The following ARRDC4 variants were observed in gnomAD, a reference collection of about 807,000 sequenced individuals.
ARRDC4 encodes arrestin domain-containing protein 4.
Under a neutral mutation model 44.6 loss-of-function variants are expected in ARRDC4, and 40 were observed. The ratio of observed to expected loss-of-function variants is 0.90; its 90% CI spans 0.70 to 1.17. The LOEUF (loss-of-function observed/expected upper bound fraction) is 1.17. ARRDC4 is among the 50% of genes most tolerant of loss of function. The pLI, the probability that ARRDC4 is intolerant of heterozygous loss-of-function variation, is 0.00. For synonymous variants in ARRDC4, 211 were observed against 221.2 expected (o/e 0.95, Z 0.41); for missense variants, 550 against 559.1 (o/e 0.98, Z 0.16).
At position 97,967,730 on chromosome 15, in the gene ARRDC4, T is replaced by A. The variant is rs1278526930; in HGVS notation, c.523-284T>A. ...AGCTTTTGATTTTTTTTTAAAAAAATGGTATATTATTTCCTGGAAACATAA... is the reference window on the plus strand; with the variant it reads ...AGCTTTTGATTTTTTTTTAAAAAAAAGGTATATTATTTCCTGGAAACATAA... On this transcript the variant is annotated intron_variant, in intron 3 of 7. Coordinates refer to ENST00000268042, the MANE Select transcript of ARRDC4 (RefSeq NM_183376.3). This position sits in a 1 kb window ranked among gnomAD's most constrained non-coding sequence, Gnocchi z 5.0. Among the ~76,000 whole-genome samples, 1 of 152,012 alleles carries A rather than the reference T, an allele frequency of 6.6e-6. No homozygotes were observed. The highest frequency in any genetic ancestry group is 1.5e-5 in the Non-Finnish European group (1 of 67,978).
At chr15:97,961,241 C>T in intron 1 of ARRDC4, 73 bp downstream of exon 1, 2 of 1,270,394 alleles carry the variant, frequency 1.6e-6, no homozygotes, top group Non-Finnish European at 2.0e-6. Flanking sequence ...GGCCGCGCAC[C>T]CTCGGGATGC....
Position 97,965,713 on chromosome 15 carries a change from T to G in ARRDC4, c.374+47T>G. On this transcript the variant is annotated intron_variant, in intron 2 of 7. Coordinates refer to ENST00000268042, the MANE Select transcript of ARRDC4 (RefSeq NM_183376.3). The surrounding 1 kb of genome is among the most constrained non-coding windows in gnomAD (Gnocchi z 5.1). ...TGTGGTTATCCTTCTCTGCAGTATGTCCATTCAAGTTTATCACTGCTAGGT... is the reference window on the plus strand; with the variant it reads ...TGTGGTTATCCTTCTCTGCAGTATGGCCATTCAAGTTTATCACTGCTAGGT... 6.4e-7 allele frequency: 1 copy of G among 1,557,932 alleles called. No individual in the cohort carries two copies. The highest frequency in any genetic ancestry group is 8.9e-7 in the Non-Finnish European group (1 of 1,129,042).
At position 97,969,377 on chromosome 15, in the gene ARRDC4, G is replaced by A; in HGVS notation, c.880G>A (p.Ala294Thr). The change falls in exon 5 of 8, where the codon GCT (alanine) becomes ACT (threonine). Residue 294 changes from alanine (A) to threonine (T), a missense_variant and splice_region_variant. Transcript: ENST00000268042. Reference protein sequence around the residue: ...CCIIRVDYSLAVYIHIPGAKK... With the variant: ...CCIIRVDYSLTVYIHIPGAKK... ...CATTATCAGAGTGGACTATTCCTTA[G>A]CTGTAAGCAAAGCTCTTTTTTAAAA... 6.3e-7 allele frequency: 1 copy of A among 1,597,246 alleles called. No individual in the cohort carries two copies. The highest frequency in any genetic ancestry group is 1.1e-5 in the South Asian group (1 of 90,012).
rs1414120669 is a variant in ARRDC4 at position 97,960,924 on chromosome 15, T to C, written c.63T>C (p.Gly21=). 7 of 1,461,942 alleles carry C rather than the reference T, an allele frequency of 4.8e-6. No homozygotes were observed. The highest frequency in any genetic ancestry group is 6.3e-6 in the Non-Finnish European group (7 of 1,103,292). 90.6% of individuals were successfully genotyped at this position (1,461,942 alleles called of 1,614,324 possible). A position where few individuals can be genotyped will look rare whatever the true frequency, so the allele number is the denominator to read the frequency against. The change falls in exon 1 of 8, where the codon GGT becomes GGC. Residue 21 remains glycine, a synonymous_variant. Coordinates refer to ENST00000268042, the MANE Select transcript of ARRDC4 (RefSeq NM_183376.3). The part of the protein sequence containing the change: ...VGAEGRVKSL[G]LVFEDERKGC... ...CCGAGGGCCGCGTGAAGAGCCTGGG[T>C]CTGGTGTTCGAGGACGAGCGCAAGG... is the stretch of plus-strand genomic sequence containing the variant.
At chr15:97,963,626 C>T (rs1266312216) in intron 1 of ARRDC4, among the ~76,000 whole-genome samples, 1 of 152,160 alleles carries the variant, frequency 6.6e-6, no homozygotes, top group African/African-American at 2.4e-5. Context: ...CTGAAGATGT[C>T]GGGCCCACCC....
chr15:97,962,758 T>TG (rs1349879100), intron 1 of ARRDC4, among the ~76,000 whole-genome samples: 1 of 152,112 alleles, frequency 6.6e-6, no homozygotes, highest in African/African-American at 2.4e-5. Context: ...CTCTTTTAGT[T>TG]GGGGAAAAAA....
Position 97,965,968 on chromosome 15 carries a change from A to G in ARRDC4, c.448A>G (p.Lys150Glu). 1.2e-6 allele frequency: 2 copies of G among 1,614,170 alleles called. No homozygotes were observed. Among genetic ancestry groups the G allele is most frequent in the Non-Finnish European group, 1.7e-6 (2 of 1,180,020 alleles). Residue 150 changes from lysine (K) to glutamate (E), a missense_variant, in exon 3 of 8, where the codon AAG becomes GAG. Lys to Glu is a moderately conservative substitution (Grantham distance 56). Transcript: ENST00000268042. This position sits in a 1 kb window ranked among gnomAD's most constrained non-coding sequence, Gnocchi z 5.1. ...TGTGCGGGCAGTGTTGGAACGACCC[A>G]AGGTACCTGATCAGAGTGTAAAGCG... ...YCVRAVLERP[K>E]VPDQSVKREL...
At chr15:97,963,810 C>A (rs549279310) in intron 1 of ARRDC4, among the ~76,000 whole-genome samples, 26 of 152,324 alleles carry the variant, frequency 1.7e-4, no homozygotes, top group African/African-American at 6.3e-4. Flanking sequence ...TTTGTAAATA[C>A]TTCGTCATGT....
chr15:97,962,236 A>AAGTGATC, intron 1 of ARRDC4, among the ~76,000 whole-genome samples: 1 of 152,332 alleles, frequency 6.6e-6, no homozygotes, highest in Middle Eastern at 3.4e-3. Flanking sequence ...TCCTCGAGGT[A>AAGTGATC]AGTGATCATC....
rs1899396377 is a variant in ARRDC4 at position 97,965,285 on chromosome 15, T to G, written c.308-315T>G. Among the ~76,000 whole-genome samples the G allele has an allele frequency of 6.6e-6, 1 of 152,046 alleles. No individual in the cohort carries two copies. The highest frequency in any genetic ancestry group is 6.6e-5 in the Admixed American group (1 of 15,254). ...CGTCTCTGGAAAGAATTATTAAAAA[T>G]TAGTCAAGAACCATGGCACATGCAT... On this transcript the variant is annotated intron_variant, in intron 1 of 7. Transcript: ENST00000268042. This position sits in a 1 kb window ranked among gnomAD's most constrained non-coding sequence, Gnocchi z 5.1.
intron 5 of ARRDC4, 26 bp from the exon 6 acceptor site, chr15:97,969,857 T>TCTC (rs199552180): frequency 7.5e-6 from 1 of 133,434 alleles, no homozygotes. Flanking sequence ...TTCCTTTCTC[T>TCTC]TTTTTTTTTT....
At position 97,961,117 on chromosome 15, in the gene ARRDC4, T is replaced by G. The variant is rs1424910727; in HGVS notation, c.256T>G (p.Ser86Ala). Residue 86 changes from serine to alanine, a missense_variant, in exon 1 of 8, where the codon TCG becomes GCG. By Grantham distance (99) the Ser-to-Ala change is moderately conservative. Coordinates refer to ENST00000268042, the MANE Select transcript of ARRDC4 (RefSeq NM_183376.3). ...CAGCACCGCGGCCCTGGCTGTCTTC[T>G]CGGAGGTGGAGTACCTGAACGTGCG... is the stretch of plus-strand genomic sequence containing the variant. ...SASTAALAVF[S>A]EVEYLNVRLS... The G allele has an allele frequency of 6.9e-7, 1 of 1,459,414 alleles. No homozygotes were observed. Among genetic ancestry groups the G allele is most frequent in the Non-Finnish European group, 9.0e-7 (1 of 1,114,112 alleles). 90.4% of individuals were successfully genotyped at this position (1,459,414 alleles called of 1,614,324 possible). A position where few individuals can be genotyped will look rare whatever the true frequency, so the allele number is the denominator to read the frequency against.
Position 97,969,392 on chromosome 15 carries a change from CT to C in ARRDC4, c.882+19del, listed in dbSNP as rs5814833. On this transcript the variant is annotated intron_variant, in intron 5 of 7. Transcript: ENST00000268042. ...CTATTCCTTAGCTGTAAGCAAAGCT[CT>C]TTTTTAAAAAAAAATGTGTATGATG... The C allele has an allele frequency of 0.58, 911,026 of 1,580,030 alleles. 260,821 individuals carry two copies. Among genetic ancestry groups the C allele is most frequent in the South Asian group, 0.7 (61,880 of 88,806 alleles).
At position 97,967,377 on chromosome 15, in the gene ARRDC4, A is replaced by G. The variant is rs1319484592; in HGVS notation, c.523-637A>G. On this transcript the variant is annotated intron_variant, in intron 3 of 7. Coordinates refer to ENST00000268042, the MANE Select transcript of ARRDC4 (RefSeq NM_183376.3). This position sits in a 1 kb window ranked among gnomAD's most constrained non-coding sequence, Gnocchi z 5.0. ...GTAAACTGAACATTGTAAATCTTGT[A>G]GTAACTTCTCTTGCCACTATAGAAT... Among the ~76,000 whole-genome samples the G allele has an allele frequency of 6.6e-6, 1 of 152,160 alleles. No homozygotes were observed. The highest frequency in any genetic ancestry group is 1.5e-5 in the Non-Finnish European group (1 of 68,028).
At chr15:97,963,025 G>A (rs1489905992) in intron 1 of ARRDC4, among the ~76,000 whole-genome samples, 2 of 152,186 alleles carry the variant, frequency 1.3e-5, no homozygotes, top group South Asian at 4.1e-4. Flanking sequence ...AACTGTAGTA[G>A]AAAACAAGCC....
At position 97,967,351 on chromosome 15, in the gene ARRDC4, C is replaced by A. The variant is rs1285758262; in HGVS notation, c.523-663C>A. 6.6e-6 allele frequency among the ~76,000 whole-genome samples: 1 copy of A among 152,032 alleles called. No homozygotes were observed. The highest frequency in any genetic ancestry group is 2.4e-5 in the African/African-American group (1 of 41,384). On this transcript the variant is annotated intron_variant, in intron 3 of 7. Coordinates refer to ENST00000268042, the MANE Select transcript of ARRDC4 (RefSeq NM_183376.3). The surrounding 1 kb of genome is among the most constrained non-coding windows in gnomAD (Gnocchi z 5.0). The stretch of plus-strand genomic sequence containing the variant: ...ACAGAAAGCTTTGGTGTGTGTAACT[C>A]GTAAACTGAACATTGTAAATCTTGT...
At position 97,970,657 on chromosome 15, in the gene ARRDC4, C is replaced by A; in HGVS notation, c.1114C>A (p.Pro372Thr). Residue 372 changes from proline (P) to threonine (T), a missense_variant, in exon 7 of 8, where the codon CCC (proline) becomes ACC (threonine). Transcript: ENST00000268042. The surrounding 1 kb of genome is among the most constrained non-coding windows in gnomAD (Gnocchi z 4.2). ...FSRHIPPYPQ[P>T]PNCEGEVCCP... The stretch of plus-strand genomic sequence containing the variant: ...TAGACACATTCCTCCTTACCCTCAA[C>A]CCCCTAACTGTGAGGGAGAAGTGTG... The A allele has an allele frequency of 1.2e-6, 2 of 1,613,346 alleles. No homozygotes were observed. Among genetic ancestry groups the A allele is most frequent in the Non-Finnish European group, 1.7e-6 (2 of 1,179,442 alleles).
At position 97,960,722 on chromosome 15, in the gene ARRDC4, CGGTGCCCCATCG is replaced by C; in HGVS notation, c.-136_-125del. 1 of 698,300 alleles carries C rather than the reference CGGTGCCCCATCG, an allele frequency of 1.4e-6. No homozygotes were observed. The allele number at this position is 698,300 out of a possible 1,614,324, so 43.3% of individuals were successfully genotyped here. On this transcript the variant is annotated 5_prime_UTR_variant, in exon 1 of 8. Transcript: ENST00000268042. ...TAAAGCGACAGGCCTCTCGGCGAGC[CGGTGCCCCATCG>C]GGTACCGCACGGCTGCCGCGGCGGC...
chr15:97,966,503 T>C lies in ARRDC4; in HGVS notation c.522+461T>C, dbSNP rs1899421877. On this transcript the variant is annotated intron_variant, in intron 3 of 7. Transcript: ENST00000268042. This position sits in a 1 kb window ranked among gnomAD's most constrained non-coding sequence, Gnocchi z 4.7. ...CTCAGGCCATTATGCTATGTATCCTTCCATTTTGCATGTCATTTTCTAACA... is the reference window on the plus strand; with the variant it reads ...CTCAGGCCATTATGCTATGTATCCTCCCATTTTGCATGTCATTTTCTAACA... Among the ~76,000 whole-genome samples the C allele has an allele frequency of 6.6e-6, 1 of 152,180 alleles. No homozygotes were observed. Among genetic ancestry groups the C allele is most frequent in the Non-Finnish European group, 1.5e-5 (1 of 68,026 alleles).
Sources: gnomAD v4.1 joint callset for allele counts (sites outside exome capture counted in the v4.1 genomes callset) on GRCh38, gnomAD v4.1.1 for gene constraint, Gnocchi (gnomAD v3.1) non-coding constraint, MANE v1.5 for transcripts, NCBI Gene and HGNC (gene_info 2026-07-23, HGNC 2026-07-21) for gene names.